The following LHX6 variants were observed in gnomAD, a reference collection of about 807,000 sequenced individuals.
LHX6 encodes LIM/homeobox protein Lhx6.
LHX6 carries 15 observed loss-of-function variants against 47.1 expected under a neutral mutation model. The ratio of observed to expected loss-of-function variants is 0.32; its 90% confidence interval spans 0.21 to 0.49. The LOEUF (loss-of-function observed/expected upper bound fraction) is 0.49. Ranked by LOEUF, LHX6 falls within the 20% of genes least tolerant of loss-of-function variation. LHX6 has a pLI of 0.99. For synonymous variants in LHX6, 242 were observed against 233.5 expected (o/e 1.04, Z -0.33); for missense variants, 404 against 539.6 (o/e 0.75, Z 2.49).
rs1830636783 is a variant in LHX6 at position 122,217,413 on chromosome 9, C to T, written c.462-125G>A. ...TCTAAGTCTTCAACTCAGGCATTAG[C>T]CTTAGCTTGGACGCAACAACACTCT... On this transcript the variant is annotated intron_variant, in intron 4 of 9. Coordinates refer to ENST00000394319, the MANE Select transcript of LHX6 (RefSeq NM_014368.5). This position sits in a 1 kb window ranked among gnomAD's most constrained non-coding sequence, Gnocchi z 4.9. 2.8e-6 allele frequency: 2 copies of T among 707,194 alleles called. No homozygotes were observed. Among genetic ancestry groups the T allele is most frequent in the Admixed American group, 5.1e-5 (2 of 39,416 alleles). 43.8% of individuals were successfully genotyped at this position (707,194 alleles called of 1,614,324 possible).
In LHX6 at chr9:122,213,914, C is replaced by T; in HGVS notation, c.879+60G>A. On this transcript the variant is annotated intron_variant, in intron 7 of 9. Transcript: ENST00000394319. This position sits in a 1 kb window ranked among gnomAD's most constrained non-coding sequence, Gnocchi z 5.5. ...TGCACGCACCACCCTCCGCGCCGAG[C>T]CCAGCTACGAGCTCCGGGGCGTGCC... 1 of 1,543,770 alleles carries T rather than the reference C, an allele frequency of 6.5e-7. No individual in the cohort carries two copies. Among genetic ancestry groups the T allele is most frequent in the Non-Finnish European group, 8.8e-7 (1 of 1,135,968 alleles).
Position 122,204,659 on chromosome 9 carries a change from C to T in LHX6, c.*101G>A, listed in dbSNP as rs771464673. 6 of 1,423,144 alleles carry T rather than the reference C, an allele frequency of 4.2e-6. No homozygotes were observed. The highest frequency in any genetic ancestry group is 2.0e-5 in the Admixed American group (1 of 49,038). The allele number at this position is 1,423,144 out of a possible 1,614,324, so 88.2% of individuals were successfully genotyped here. ...GCAGGATGGCGGACGGGGGTGGATG[C>T]GGAGGTGGGTGGACTCCTGGCCGCA... On this transcript the variant is annotated 3_prime_UTR_variant, in exon 10 of 10. Coordinates refer to ENST00000394319, the MANE Select transcript of LHX6 (RefSeq NM_014368.5).
intron 4 of LHX6, among the ~76,000 whole-genome samples, chr9:122,224,486 T>TACAC (rs539712712): frequency 0.046 from 6,846 of 150,362 alleles, 513 homozygotes; most frequent in African/African-American, 0.16. Context: ...CCTGTCTGAC[T>TACAC]ACACACACAC....
At chr9:122,224,435 A>G (rs149728512) in intron 4 of LHX6, among the ~76,000 whole-genome samples, 2 of 152,292 alleles carry the variant, frequency 1.3e-5, no homozygotes, top group Non-Finnish European at 2.9e-5. Flanking sequence ...CAGATGGGAC[A>G]GTGAGAGGAG....
chr9:122,225,567 T>C (rs1831059589), intron 4 of LHX6, among the ~76,000 whole-genome samples: 1 of 152,132 alleles, frequency 6.6e-6, no homozygotes, highest in South Asian at 2.1e-4. Context: ...CAGCCCGGGG[T>C]AATCCCACTC....
In LHX6 at chr9:122,213,347, T is replaced by G. The variant is rs77356335; in HGVS notation, c.1054+259A>C. On this transcript the variant is annotated intron_variant, in intron 8 of 9. Transcript: ENST00000394319. The surrounding 1 kb of genome is among the most constrained non-coding windows in gnomAD (Gnocchi z 5.5). ...TCCCCAGTCTCCGGGCACTGGCACATTGTGGGTGCTTTGAAGGCATTTTTT... is the reference window on the plus strand; with the variant it reads ...TCCCCAGTCTCCGGGCACTGGCACAGTGTGGGTGCTTTGAAGGCATTTTTT... Among the ~76,000 whole-genome samples the G allele has an allele frequency of 0.032, 4,806 of 152,164 alleles. 228 individuals carry two copies. The highest frequency in any genetic ancestry group is 0.11 in the African/African-American group (4,431 of 41,480).
intron 5 of LHX6, among the ~76,000 whole-genome samples, chr9:122,215,138 A>G (rs1830547758): frequency 6.6e-6 from 1 of 152,248 alleles, no homozygotes; most frequent in Admixed American, 6.5e-5. Flanking sequence ...AGCACAAAGA[A>G]GAAAATAAAA....
chr9:122,207,589 G>T (rs1271108327), intron 9 of LHX6, among the ~76,000 whole-genome samples: 1 of 152,100 alleles, frequency 6.6e-6, no homozygotes, highest in Non-Finnish European at 1.5e-5. Context: ...TGTTCCTGGG[G>T]CATGCTCACT....
At chr9:122,210,076 G>A (rs559346585) in intron 8 of LHX6, among the ~76,000 whole-genome samples, 33 of 152,138 alleles carry the variant, frequency 2.2e-4, no homozygotes, top group African/African-American at 7.0e-4. Context: ...GGGTTTCACC[G>A]TGTTAGCCAG....
chr9:122,207,968 C>T (rs953392795), intron 9 of LHX6, among the ~76,000 whole-genome samples: 2 of 152,128 alleles, frequency 1.3e-5, no homozygotes, highest in African/African-American at 4.8e-5. Context: ...GCTCCTGACT[C>T]CAGCCCTAAT....
At chr9:122,216,138 A>G (rs932385607) in intron 5 of LHX6, among the ~76,000 whole-genome samples, 19 of 152,178 alleles carry the variant, frequency 1.2e-4, no homozygotes, top group African/African-American at 4.6e-4. Context: ...TTTTTGGCAA[A>G]TCCTGTTTCT....
intron 4 of LHX6, among the ~76,000 whole-genome samples, chr9:122,219,844 C>T (rs1268290683): frequency 6.6e-6 from 1 of 152,240 alleles, no homozygotes; most frequent in African/African-American, 2.4e-5. Context: ...AAGCTGGAAT[C>T]CCGCATGGAT....
intron 9 of LHX6, among the ~76,000 whole-genome samples, chr9:122,205,958 A>G (rs1210400909): frequency 2.6e-5 from 4 of 151,300 alleles, no homozygotes; most frequent in African/African-American, 9.7e-5. Context: ...CACCCTGGCC[A>G]CTGCTCCACT....
intron 9 of LHX6, among the ~76,000 whole-genome samples, chr9:122,206,279 G>T (rs1169997186): frequency 6.6e-6 from 1 of 152,184 alleles, no homozygotes; most frequent in Non-Finnish European, 1.5e-5. Context: ...TAGATGAGTG[G>T]GTTCAGGGGC....
chr9:122,225,112 C>G (rs1831037710), intron 4 of LHX6, among the ~76,000 whole-genome samples: 1 of 152,198 alleles, frequency 6.6e-6, no homozygotes, highest in African/African-American at 2.4e-5. Context: ...TGCCAGTGCA[C>G]AGGAGGAGAT....
chr9:122,204,645 G>GA lies in LHX6; in HGVS notation c.*114dup. On this transcript the variant is annotated 3_prime_UTR_variant, in exon 10 of 10. Coordinates refer to ENST00000394319, the MANE Select transcript of LHX6 (RefSeq NM_014368.5). ...CGACCTGGTGGTGGGCAGGATGGCG[G>GA]ACGGGGGTGGATGCGGAGGTGGGTG... is the stretch of plus-strand genomic sequence containing the variant. The GA allele has an allele frequency of 7.7e-7, 1 of 1,299,038 alleles. No individual in the cohort carries two copies. The highest frequency in any genetic ancestry group is 1.4e-5 in the South Asian group (1 of 70,044). 80.5% of individuals were successfully genotyped at this position (1,299,038 alleles called of 1,614,324 possible).
Position 122,217,925 on chromosome 9 carries a change from A to G in LHX6, c.462-637T>C, listed in dbSNP as rs1322068074. On this transcript the variant is annotated intron_variant, in intron 4 of 9. Coordinates refer to ENST00000394319, the MANE Select transcript of LHX6 (RefSeq NM_014368.5). This position sits in a 1 kb window ranked among gnomAD's most constrained non-coding sequence, Gnocchi z 4.9. ...GTCCTGCACTGAACTAGATGACAAC[A>G]GCAATGACTACTACTGTTTGTTTAG... 6.6e-6 allele frequency among the ~76,000 whole-genome samples: 1 copy of G among 152,254 alleles called. No homozygotes were observed. Among genetic ancestry groups the G allele is most frequent in the African/African-American group, 2.4e-5 (1 of 41,464 alleles).
rs1831117724 is a variant in LHX6 at position 122,226,717 on chromosome 9, C to T, written c.339+131G>A. 2 of 1,277,300 alleles carry T rather than the reference C, an allele frequency of 1.6e-6. No individual in the cohort carries two copies. Among genetic ancestry groups the T allele is most frequent in the Admixed American group, 5.1e-5 (2 of 39,016 alleles). The allele number at this position is 1,277,300 out of a possible 1,614,324, so 79.1% of individuals were successfully genotyped here. On this transcript the variant is annotated intron_variant, in intron 3 of 9. Transcript: ENST00000394319. The surrounding 1 kb of genome is among the most constrained non-coding windows in gnomAD (Gnocchi z 6.5). ...GGCTCAGGCAGACCCTAAGTCTTGC[C>T]CAAAGCTTCGCAGTCGGGCAGCAGT...
At chr9:122,206,912 A>G (rs1830201181) in intron 9 of LHX6, among the ~76,000 whole-genome samples, 3 of 151,992 alleles carry the variant, frequency 2.0e-5, no homozygotes, top group African/African-American at 4.8e-5. Context: ...GGTTCTCTTG[A>G]TGTGGAACAC....
Sources: gnomAD v4.1 joint callset for allele counts (sites outside exome capture counted in the v4.1 genomes callset) on GRCh38, gnomAD v4.1.1 for gene constraint, Gnocchi (gnomAD v3.1) non-coding constraint, MANE v1.5 for transcripts, NCBI Gene and HGNC (gene_info 2026-07-23, HGNC 2026-07-21) for gene names.